NTRK3: variants seen among roughly 807,000 people sequenced by gnomAD.
NTRK3 encodes the protein neurotrophic receptor tyrosine kinase 3.
NTRK3 carries 24 observed loss-of-function variants against 91.7 expected under a neutral mutation model. The observed-to-expected ratio is 0.26, with a 90% CI of 0.19 to 0.37. NTRK3 has a LOEUF of 0.37. NTRK3 is among the 10% of genes least tolerant of loss of function. The pLI, the probability that NTRK3 is intolerant of heterozygous loss-of-function variation, is 1.00. For synonymous variants in NTRK3, 483 were observed against 404.0 expected, an observed-to-expected ratio of 1.20 and a Z score of -2.34; for missense variants, 880 against 1,068.9, an observed-to-expected ratio of 0.82 and a Z score of 2.46.
rs537511135 is a variant in NTRK3, at chr15:87,968,862, G to T, written c.1586-28109C>A. On this transcript the variant is annotated intron_variant, in intron 14 of 18. Coordinates refer to ENST00000394480, the Ensembl canonical transcript of NTRK3. ...TCAATTACCCATGCTATAGAATCAG[G>T]ATATGATTATCAACATGAAGCATTC... 9.2e-5 allele frequency among the ~76,000 whole-genome samples: 14 copies of T among 152,256 alleles called. No individual in the cohort carries two copies. In the East Asian group the frequency reaches 2.5e-3, roughly 27 times the overall value.
At chr15:88,214,769 A>G (rs564468328) in intron 3 of NTRK3, among the ~76,000 whole-genome samples, 1 of 151,978 alleles carries the variant, frequency 6.6e-6, no homozygotes, top group Admixed American at 6.5e-5. Flanking sequence ...GCCTTCCCAT[A>G]CGAGCCCAGC....
At chr15:87,962,324 A>T (rs2072376929) in intron 14 of NTRK3, among the ~76,000 whole-genome samples, 1 of 152,172 alleles carries the variant, frequency 6.6e-6, no homozygotes, top group African/African-American at 2.4e-5. Context: ...AACCCAGAAG[A>T]GGAGAGGAAG....
At chr15:88,066,865 C>G (rs755660156) in intron 13 of NTRK3, among the ~76,000 whole-genome samples, 1 of 152,150 alleles carries the variant, frequency 6.6e-6, no homozygotes, top group African/African-American at 2.4e-5. Context: ...AATAATGATT[C>G]ACCTACACAG....
chr15:88,157,544 A>C (rs2044028049), intron 5 of NTRK3, among the ~76,000 whole-genome samples: 1 of 150,924 alleles, frequency 6.6e-6, no homozygotes, highest in African/African-American at 2.4e-5. Context: ...CAGAGCCAGC[A>C]GCCCTTCCCT....
At chr15:88,070,877 A>C (rs1202803856) in intron 13 of NTRK3, among the ~76,000 whole-genome samples, 1 of 152,198 alleles carries the variant, frequency 6.6e-6, no homozygotes, top group Non-Finnish European at 1.5e-5. Context: ...CCAAAACCCA[A>C]GGAGAGAGAA....
At chr15:88,201,329 G>A (rs1049809646) in intron 3 of NTRK3, among the ~76,000 whole-genome samples, 1 of 152,200 alleles carries the variant, frequency 6.6e-6, no homozygotes, top group African/African-American at 2.4e-5. Flanking sequence ...ACTAAAAGCT[G>A]CATTTACAAG....
At chr15:88,242,976 A>T (rs2052505033) in intron 3 of NTRK3, among the ~76,000 whole-genome samples, 1 of 152,184 alleles carries the variant, frequency 6.6e-6, no homozygotes, top group South Asian at 2.1e-4. Context: ...TAGGGATGGG[A>T]GCCAGAAGTC....
chr15:87,868,144 G>C (rs1023676535), exon 19 of NTRK3: 3 of 231,660 alleles, frequency 1.3e-5, no homozygotes, highest in Admixed American at 1.1e-4. Flanking sequence ...TATACCAGTA[G>C]GATTGTGGAG....
At chr15:88,252,122 T>C (rs868052430) in intron 3 of NTRK3, among the ~76,000 whole-genome samples, 20 of 152,118 alleles carry the variant, frequency 1.3e-4, no homozygotes, top group Non-Finnish European at 7.4e-5. Flanking sequence ...CTACTCCTGC[T>C]TCCAAATCTC....
intron 13 of NTRK3, among the ~76,000 whole-genome samples, chr15:88,047,807 C>A (rs1472790322): frequency 6.6e-6 from 1 of 152,136 alleles, no homozygotes; most frequent in Admixed American, 6.5e-5. Flanking sequence ...CCCCTTTGGT[C>A]TGGATGAAAA....
At chr15:88,205,940 G>C (rs962732684) in intron 3 of NTRK3, 2 of 152,244 alleles carry the variant, frequency 1.3e-5, no homozygotes, top group African/African-American at 4.8e-5. Context: ...TAATGAAGAG[G>C]GGTCCAGTTG....
At chr15:88,027,655 T>C (rs2078157217) in intron 14 of NTRK3, among the ~76,000 whole-genome samples, 1 of 152,212 alleles carries the variant, frequency 6.6e-6, no homozygotes, top group South Asian at 2.1e-4. Context: ...GTGCTGGGAT[T>C]ACAGGCGTGA....
chr15:88,175,533 A>G (rs2045919596), intron 5 of NTRK3, among the ~76,000 whole-genome samples: 1 of 152,226 alleles, frequency 6.6e-6, no homozygotes, highest in Non-Finnish European at 1.5e-5. Flanking sequence ...TCATCATGAT[A>G]ATGATCAATT....
At chr15:87,887,011 A>G (rs1430164451) in intron 17 of NTRK3, among the ~76,000 whole-genome samples, 2 of 151,922 alleles carry the variant, frequency 1.3e-5, no homozygotes, top group East Asian at 3.9e-4. Context: ...CTTGATGAAA[A>G]TTTTTCAATA....
intron 17 of NTRK3, among the ~76,000 whole-genome samples, chr15:87,926,002 A>G (rs548761917): frequency 1.3e-5 from 2 of 152,352 alleles, no homozygotes; most frequent in East Asian, 3.9e-4. Context: ...CTTAACATCA[A>G]CACAACTCTG....
rs746835258 is a variant in NTRK3 at position 88,087,923 on chromosome 15, C to A, written c.1396+38348G>T. ...AAAATAAGTCAGGCATGGTGGCATG[C>A]CCTATTAATCCCAGCTACTAGGGAG... On this transcript the variant is annotated intron_variant, in intron 13 of 18. Transcript: ENST00000394480. 2.0e-5 allele frequency among the ~76,000 whole-genome samples: 3 copies of A among 152,124 alleles called. No individual in the cohort carries two copies. The East Asian group carries it at 5.8e-4, about 29-fold the overall frequency.
chr15:88,140,080 G>A (rs1287587508), intron 6 of NTRK3, among the ~76,000 whole-genome samples: 2 of 152,210 alleles, frequency 1.3e-5, no homozygotes, highest in South Asian at 4.1e-4. Context: ...GTGGAAGCCA[G>A]ATAAGAGAGG....
chr15:87,954,961 G>A (rs1041999658), intron 14 of NTRK3, among the ~76,000 whole-genome samples: 2 of 152,176 alleles, frequency 1.3e-5, no homozygotes, highest in African/African-American at 4.8e-5. Context: ...GGAGGAGTGT[G>A]AACTATGAGA....
At chr15:88,069,921 G>T (rs1242591586) in intron 13 of NTRK3, among the ~76,000 whole-genome samples, 4 of 152,148 alleles carry the variant, frequency 2.6e-5, no homozygotes, top group Non-Finnish European at 5.9e-5. Flanking sequence ...GAACTCACAG[G>T]TCGCTGTTGA....
Sources: gnomAD v4.1 joint callset for allele counts (sites outside exome capture counted in the v4.1 genomes callset) on GRCh38, gnomAD v4.1.1 for gene constraint, MANE v1.5 for transcripts, NCBI Gene and HGNC (gene_info 2026-07-23, HGNC 2026-07-21) for gene names.